ADAMTS16: variants seen among roughly 807,000 people sequenced by gnomAD.
ADAMTS16 encodes the protein ADAM metallopeptidase with thrombospondin type 1 motif 16.
ADAMTS16 carries 94 observed loss-of-function variants against 145.8 expected under a neutral mutation model. The ratio of observed to expected loss-of-function variants is 0.64; its 90% CI spans 0.55 to 0.77. The LOEUF is 0.77. Among genes scored for constraint, ADAMTS16 ranks in the 30% least tolerant of loss-of-function variants. The pLI is 0.00. For missense variants in ADAMTS16, 1,585 were observed against 1,591.5 expected (o/e 1.00, Z 0.07); for synonymous variants, 659 against 604.3 (o/e 1.09, Z -1.33).
intron 11 of ADAMTS16, among the ~76,000 whole-genome samples, chr5:5,230,107 T>C (rs1172122926): frequency 6.6e-6 from 1 of 151,996 alleles, no homozygotes; most frequent in African/African-American, 2.4e-5. Context: ...TTATAGCAGA[T>C]CTAGAGAACC....
chr5:5,140,976 G>T (rs1734151086), intron 2 of ADAMTS16, among the ~76,000 whole-genome samples: 1 of 152,056 alleles, frequency 6.6e-6, no homozygotes, highest in Non-Finnish European at 1.5e-5. Flanking sequence ...CTGGCAAAAC[G>T]GTTTGCCAGA....
Position 5,239,194 on chromosome 5 carries a change from A to T in ADAMTS16, c.2198A>T (p.Asp733Val). The part of the protein sequence containing the change: ...DNVLGSDAVE[D>V]VCGVCNGNNS... ...GTCCTTGGATCTGATGCTGTTGAAG[A>T]CGTCTGTGGGGTGTGTAACGGGAAT... is the stretch of plus-strand genomic sequence containing the variant. Residue 733 changes from aspartate to valine, a missense_variant, in exon 15 of 23, where the codon GAC (aspartate) becomes GTC (valine). Physicochemically the swap from Asp to Val is radical, Grantham distance 152 (BLOSUM62 -3). Transcript: ENST00000274181. 1 of 1,595,020 alleles carries T rather than the reference A, an allele frequency of 6.3e-7. No individual in the cohort carries two copies. The highest frequency in any genetic ancestry group is 1.3e-5 in the African/African-American group (1 of 74,110).
At chr5:5,305,082 TC>T (rs1740014812) in intron 20 of ADAMTS16, among the ~76,000 whole-genome samples, 5 of 17,934 alleles carry the variant, frequency 2.8e-4, no homozygotes, top group South Asian at 2.1e-3. Context: ...CACACACACA[TC>T]CCACACCACA....
chr5:5,274,307 A>G (rs1738598895), intron 18 of ADAMTS16, among the ~76,000 whole-genome samples: 1 of 152,176 alleles, frequency 6.6e-6, no homozygotes, highest in Non-Finnish European at 1.5e-5. Context: ...CCACCATGAT[A>G]GTATAATATA....
chr5:5,270,663 A>G (rs552456491), intron 18 of ADAMTS16, among the ~76,000 whole-genome samples: 82 of 152,358 alleles, frequency 5.4e-4, no homozygotes, highest in African/African-American at 1.9e-3. Flanking sequence ...TATGATTTTA[A>G]CAATTGAGTT....
At chr5:5,229,798 A>G (rs1415446334) in intron 11 of ADAMTS16, among the ~76,000 whole-genome samples, 1 of 152,246 alleles carries the variant, frequency 6.6e-6, no homozygotes, top group African/African-American at 2.4e-5. Flanking sequence ...TTTTCTTAAA[A>G]GAAGTAATCC....
chr5:5,256,177 C>G (rs1462857168), intron 17 of ADAMTS16, among the ~76,000 whole-genome samples: 1 of 152,186 alleles, frequency 6.6e-6, no homozygotes, highest in East Asian at 1.9e-4. Context: ...ATTCTACTGT[C>G]CCTCATAAGA....
At chr5:5,224,970 T>C (rs1472080370) in intron 11 of ADAMTS16, among the ~76,000 whole-genome samples, 3 of 152,144 alleles carry the variant, frequency 2.0e-5, no homozygotes, top group African/African-American at 7.2e-5. Context: ...TGATTTCCAT[T>C]GATATTTGAC....
chr5:5,246,186 A>G (rs1304070004), intron 17 of ADAMTS16, among the ~76,000 whole-genome samples: 3 of 152,202 alleles, frequency 2.0e-5, no homozygotes, highest in Non-Finnish European at 4.4e-5. Flanking sequence ...CCAAATCACT[A>G]ATCTTCAACC....
At chr5:5,279,890 TTCC>T (rs1373335557) in intron 18 of ADAMTS16, among the ~76,000 whole-genome samples, 2 of 136,108 alleles carry the variant, frequency 1.5e-5, no homozygotes. Context: ...CCTTCCTTCC[TTCC>T]TTCTTTCTTT....
chr5:5,237,171 G>C (rs1737133834), intron 14 of ADAMTS16, 72 bp downstream of exon 14: 1 of 1,520,526 alleles, frequency 6.6e-7, no homozygotes, highest in Non-Finnish European at 8.9e-7. Context: ...TCCTGTAGAG[G>C]CTAGAAAGAC....
intron 3 of ADAMTS16, among the ~76,000 whole-genome samples, chr5:5,149,459 C>T (rs1250010578): frequency 6.6e-6 from 1 of 152,160 alleles, no homozygotes; most frequent in Non-Finnish European, 1.5e-5. Context: ...GAATGTTATA[C>T]TTTGCTAATA....
At chr5:5,187,175 G>A (rs566667215) in intron 5 of ADAMTS16, among the ~76,000 whole-genome samples, 1 of 152,192 alleles carries the variant, frequency 6.6e-6, no homozygotes, top group Non-Finnish European at 1.5e-5. Flanking sequence ...CAGCGCAGTG[G>A]CAAATCACTT....
chr5:5,199,350 G>A (rs969085126), intron 8 of ADAMTS16, among the ~76,000 whole-genome samples: 1 of 152,200 alleles, frequency 6.6e-6, no homozygotes, highest in African/African-American at 2.4e-5. Context: ...TGTAGCTTGA[G>A]ATGTACCTGT....
chr5:5,308,326 C>T (rs946535316), intron 21 of ADAMTS16, among the ~76,000 whole-genome samples: 4 of 152,244 alleles, frequency 2.6e-5, no homozygotes, highest in African/African-American at 4.8e-5. Flanking sequence ...CCACAGTGTA[C>T]GTACAGCCTT....
At chr5:5,215,605 G>C (rs768663529) in intron 10 of ADAMTS16, among the ~76,000 whole-genome samples, 2 of 151,004 alleles carry the variant, frequency 1.3e-5, no homozygotes, top group Non-Finnish European at 2.9e-5. Flanking sequence ...CCATTCCTGA[G>C]CTACTTCACT....
At chr5:5,260,554 A>C (rs1449945073) in intron 17 of ADAMTS16, among the ~76,000 whole-genome samples, 1 of 152,240 alleles carries the variant, frequency 6.6e-6, no homozygotes, top group South Asian at 2.1e-4. Context: ...GTTTTACCAA[A>C]CTGTGAGGGT....
At chr5:5,144,909 C>G (rs1312911071) in intron 2 of ADAMTS16, among the ~76,000 whole-genome samples, 1 of 152,148 alleles carries the variant, frequency 6.6e-6, no homozygotes, top group Non-Finnish European at 1.5e-5. Context: ...ATCTAAGCAG[C>G]CAACTGTGGA....
At chr5:5,181,011 T>C (rs763493724) in intron 3 of ADAMTS16, among the ~76,000 whole-genome samples, 2 of 152,248 alleles carry the variant, frequency 1.3e-5, no homozygotes, top group African/African-American at 2.4e-5. Flanking sequence ...TATACAAATA[T>C]ACTTTAAAAA....
Sources: gnomAD v4.1 joint callset for allele counts (sites outside exome capture counted in the v4.1 genomes callset) on GRCh38, gnomAD v4.1.1 for gene constraint, MANE v1.5 for transcripts, NCBI Gene and HGNC (gene_info 2026-07-23, HGNC 2026-07-21) for gene names.